The following NOX4 variants were observed in gnomAD, a reference collection of about 807,000 sequenced individuals.
NOX4 encodes the protein NADPH oxidase 4.
NOX4 carries 69 observed loss-of-function variants against 87.6 expected under a neutral mutation model. The observed-to-expected ratio is 0.79, with a 90% CI of 0.65 to 0.96. The LOEUF (loss-of-function observed/expected upper bound fraction) is 0.96. NOX4 is among the 40% of genes least tolerant of loss of function. The pLI is 0.00. For synonymous variants in NOX4, 275 were observed against 238.2 expected (o/e 1.15, Z -1.42); for missense variants, 680 against 681.5 (o/e 1.00, Z 0.02).
At chr11:89,495,300 A>G (rs1282048885), upstream of NOX4, among the ~76,000 whole-genome samples, 1 of 152,056 alleles carries the variant, frequency 6.6e-6, no homozygotes, top group Non-Finnish European at 1.5e-5. Context: ...GATGTGCTAA[A>G]GAGAATCTGT....
At position 89,337,488 on chromosome 11, in the gene NOX4, C is replaced by A; in HGVS notation, c.1474G>T (p.Val492Phe). 1 of 1,612,380 alleles carries A rather than the reference C, an allele frequency of 6.2e-7. No homozygotes were observed. Among genetic ancestry groups the A allele is most frequent in the East Asian group, 2.2e-5 (1 of 44,826 alleles). ...KFWQENRPDYVNIQLYLSQTD... is the reference protein window; with the variant it reads ...KFWQENRPDYFNIQLYLSQTD... ...TGACTGAGGTACAGCTGGATGTTGA[C>A]ATAGTCAGGTCTGTTCTCTTGCCAA... The change falls in exon 16 of 18, where the codon GTC becomes TTC. Residue 492 changes from valine to phenylalanine, a missense_variant. Transcript: ENST00000263317.
the NOX4 span, among the ~76,000 whole-genome samples, chr11:89,563,196 A>G: frequency 0.53 from 81,339 of 152,080 alleles, 22,947 homozygotes; most frequent in African/African-American, 0.71. Context: ...AATAATATTC[A>G]GAAAAGAGGC....
rs1215343656 is a variant in NOX4 at position 89,334,018 on chromosome 11, T to A, written c.1616+1827A>T. Among the ~76,000 whole-genome samples the A allele has an allele frequency of 1.1e-4, 16 of 151,798 alleles. No individual in the cohort carries two copies. In the South Asian group the frequency reaches 3.3e-3, roughly 32 times the overall value. On this transcript the variant is annotated intron_variant, in intron 17 of 17. Coordinates refer to ENST00000263317, the MANE Select transcript of NOX4 (RefSeq NM_016931.5). ...ACACAAACAGCCTAACAAATGAGAC[T>A]TCTTGAGAACTAACTGTAGGAACCA...
the NOX4 span, chr11:89,577,014 C>T: frequency 3.9e-5 from 6 of 152,156 alleles, no homozygotes; most frequent in Admixed American, 6.5e-5. Context: ...CTTGTCAGCA[C>T]ATCCAGTACT....
chr11:89,356,345 G>C (rs1938049849), intron 12 of NOX4, among the ~76,000 whole-genome samples: 1 of 148,884 alleles, frequency 6.7e-6, no homozygotes, highest in East Asian at 2.0e-4. Flanking sequence ...CATGAGCTAA[G>C]AATTGATTTA....
At chr11:89,537,667 A>C in the NOX4 span, among the ~76,000 whole-genome samples, 1 of 152,098 alleles carries the variant, frequency 6.6e-6, no homozygotes, top group South Asian at 2.1e-4. Context: ...CACTTATCTA[A>C]TGTTTACCTG....
intron 2 of NOX4, among the ~76,000 whole-genome samples, chr11:89,459,582 C>A (rs1218999663): frequency 6.6e-6 from 1 of 152,034 alleles, no homozygotes; most frequent in East Asian, 1.9e-4. Context: ...GAATAAAATA[C>A]CTAGGAATCC....
intron 2 of NOX4, among the ~76,000 whole-genome samples, chr11:89,464,980 C>A (rs774958387): frequency 9.9e-5 from 15 of 151,578 alleles, no homozygotes; most frequent in Admixed American, 6.6e-4. Context: ...GGATTAGTGC[C>A]TTTATTTTTA....
chr11:89,473,219 T>G (rs1946018645), intron 2 of NOX4, among the ~76,000 whole-genome samples: 1 of 152,144 alleles, frequency 6.6e-6, no homozygotes, highest in African/African-American at 2.4e-5. Flanking sequence ...CATGGAGAAG[T>G]TGAAAGTGTT....
rs535791023 is a variant in NOX4, at chr11:89,409,601, G to A, written c.630-7059C>T. On this transcript the variant is annotated intron_variant, in intron 8 of 17. Coordinates refer to ENST00000263317, the MANE Select transcript of NOX4 (RefSeq NM_016931.5). ...CTTACAGCATAAAATATCAACAAATGTGAATAAACCATAAGATCTTAGTCC... is the reference window on the plus strand; with the variant it reads ...CTTACAGCATAAAATATCAACAAATATGAATAAACCATAAGATCTTAGTCC... 2.0e-5 allele frequency among the ~76,000 whole-genome samples: 3 copies of A among 152,130 alleles called. No homozygotes were observed. In the East Asian group the frequency reaches 5.8e-4, roughly 29 times the overall value.
Position 89,342,144 on chromosome 11 carries a change from A to G in NOX4, c.1267T>C (p.Tyr423His). Residue 423 changes from tyrosine to histidine, a missense_variant, in exon 14 of 18, where the codon TAT becomes CAT. Coordinates refer to ENST00000263317, the MANE Select transcript of NOX4 (RefSeq NM_016931.5). ...FGSPFEESLN[Y>H]EVSLCVAGGI... ...CCAGCCACGCAGAGGCTGACCTCAT[A>G]GTTCAGTGATTCCTCAAATGGACTT... The G allele has an allele frequency of 6.2e-7, 1 of 1,612,988 alleles. No homozygotes were observed. The highest frequency in any genetic ancestry group is 8.5e-7 in the Non-Finnish European group (1 of 1,179,016).
intron 17 of NOX4, among the ~76,000 whole-genome samples, chr11:89,335,396 A>G (rs1945659225): frequency 6.6e-6 from 1 of 151,826 alleles, no homozygotes; most frequent in Non-Finnish European, 1.5e-5. Flanking sequence ...CAATGCAGAG[A>G]GTTTTTTGAA....
intron 17 of NOX4, among the ~76,000 whole-genome samples, chr11:89,334,650 C>A (rs1194021595): frequency 6.6e-6 from 1 of 151,460 alleles, no homozygotes; most frequent in South Asian, 2.1e-4. Context: ...AATCAAATAT[C>A]CTTTTGATGT....
At chr11:89,465,298 T>C (rs1945630184) in intron 2 of NOX4, among the ~76,000 whole-genome samples, 1 of 151,810 alleles carries the variant, frequency 6.6e-6, no homozygotes. Flanking sequence ...TCCATGTCCC[T>C]GCAAAGGACA....
At chr11:89,393,187 G>A (rs757432012) in intron 11 of NOX4, among the ~76,000 whole-genome samples, 3 of 152,062 alleles carry the variant, frequency 2.0e-5, no homozygotes, top group Non-Finnish European at 4.4e-5. Context: ...GGCTTCTAGT[G>A]GGTCAGGGCT....
intron 8 of NOX4, among the ~76,000 whole-genome samples, chr11:89,406,917 GAGA>G (rs1942217573): frequency 6.6e-6 from 1 of 152,076 alleles, no homozygotes; most frequent in Non-Finnish European, 1.5e-5. Flanking sequence ...AGGCTTCACA[GAGA>G]AGAAGGCAGC....
chr11:89,469,080 A>G (rs899891247), intron 2 of NOX4, among the ~76,000 whole-genome samples: 17 of 152,268 alleles, frequency 1.1e-4, no homozygotes, highest in African/African-American at 3.9e-4. Flanking sequence ...TTTTTGGCAA[A>G]GCTATTAAAA....
intron 8 of NOX4, 122 bp downstream of exon 8, chr11:89,421,780 A>G (rs1943094455): frequency 1.8e-6 from 1 of 569,150 alleles, no homozygotes; most frequent in Non-Finnish European, 3.1e-6. Flanking sequence ...TCAATAGTAG[A>G]GAAACTATTT....
At chr11:89,423,785 T>G (rs1346157832) in intron 7 of NOX4, among the ~76,000 whole-genome samples, 3 of 152,042 alleles carry the variant, frequency 2.0e-5, no homozygotes, top group Non-Finnish European at 4.4e-5. Flanking sequence ...TCAGGCATGG[T>G]GGCTAATGCC....
Sources: allele counts gnomAD v4.1 joint callset (sites outside exome capture counted in the v4.1 genomes callset), GRCh38; gene constraint gnomAD v4.1.1; transcripts MANE v1.5; gene names NCBI Gene and HGNC (gene_info 2026-07-23, HGNC 2026-07-21).